MAP3K20: variants seen among roughly 807,000 people sequenced by gnomAD.
MAP3K20 encodes the protein HCCS-4.
A neutral mutation model predicts 85.7 loss-of-function variants in MAP3K20; 40 were observed. The observed-to-expected ratio is 0.47, with a 90% CI of 0.36 to 0.61. The LOEUF is 0.61. MAP3K20 is among the 20% of genes least tolerant of loss of function. The pLI, the probability that MAP3K20 is intolerant of heterozygous loss-of-function variation, is 0.00. For missense variants in MAP3K20, 817 were observed against 961.7 expected (o/e 0.85, Z 1.99); for synonymous variants, 325 against 327.7 (o/e 0.99, Z 0.09).
intron 9 of MAP3K20, among the ~76,000 whole-genome samples, chr2:173,209,458 A>G (rs1683804530): frequency 6.6e-6 from 1 of 152,196 alleles, no homozygotes; most frequent in South Asian, 2.1e-4. Context: ...CCCTTCCTGG[A>G]CAAAAAACAT....
intron 2 of MAP3K20, among the ~76,000 whole-genome samples, chr2:173,136,112 C>G (rs1389482691): frequency 6.6e-6 from 1 of 152,260 alleles, no homozygotes; most frequent in Non-Finnish European, 1.5e-5. Context: ...CTAAAATTAG[C>G]TGTAACAAAA....
At chr2:173,258,605 T>C in intron 16 of MAP3K20, 94 bp from the exon 17 acceptor site, 1 of 677,586 alleles carries the variant, frequency 1.5e-6, no homozygotes. Flanking sequence ...CCAATAATAC[T>C]TCATTTAGAA....
At chr2:173,185,112 A>C (rs982337810) in intron 4 of MAP3K20, among the ~76,000 whole-genome samples, 3 of 152,122 alleles carry the variant, frequency 2.0e-5, no homozygotes, top group African/African-American at 7.2e-5. Flanking sequence ...GTGGTGGCGC[A>C]TGCCTGTAAT....
intron 4 of MAP3K20, among the ~76,000 whole-genome samples, chr2:173,187,275 T>A (rs1354804502): frequency 1.3e-5 from 2 of 152,246 alleles, no homozygotes; most frequent in Non-Finnish European, 2.9e-5. Context: ...CTGTGCTATT[T>A]TCATGCAGAC....
At chr2:173,159,620 G>A (rs1221566817) in intron 2 of MAP3K20, among the ~76,000 whole-genome samples, 2 of 152,108 alleles carry the variant, frequency 1.3e-5, no homozygotes, top group African/African-American at 4.8e-5. Flanking sequence ...GAACTCCTGA[G>A]CTCAAGTTAT....
chr2:173,156,800 T>C (rs1322787738), intron 2 of MAP3K20, among the ~76,000 whole-genome samples: 1 of 152,196 alleles, frequency 6.6e-6, no homozygotes, highest in Non-Finnish European at 1.5e-5. Flanking sequence ...AGAATGCTGG[T>C]GAAAGTTCCT....
intron 8 of MAP3K20, among the ~76,000 whole-genome samples, chr2:173,201,061 C>T (rs1691043246): frequency 6.6e-6 from 1 of 152,218 alleles, no homozygotes; most frequent in Admixed American, 6.5e-5. Context: ...GCGCATTACT[C>T]TTACCCAGAC....
At position 173,194,194 on chromosome 2, in the gene MAP3K20, A is replaced by G. The variant is rs546766170; in HGVS notation, c.582+3017A>G. On this transcript the variant is annotated intron_variant, in intron 7 of 19. Transcript: ENST00000375213. Reference sequence around the variant, plus strand: ...CAGAATGTTGTGTCAGCAGAATTCCATTCAGAAAAGTGTACAGATGCTAAT... The same window carrying G: ...CAGAATGTTGTGTCAGCAGAATTCCGTTCAGAAAAGTGTACAGATGCTAAT... 2.6e-5 allele frequency among the ~76,000 whole-genome samples: 4 copies of G among 152,324 alleles called. No individual in the cohort carries two copies. The South Asian group carries it at 8.3e-4, about 32-fold the overall frequency.
Position 173,158,377 on chromosome 2 carries a change from C to A in MAP3K20, c.160-11428C>A, listed in dbSNP as rs1454370897. ...GAGAATATATAAAAAGAGGCAGAGG[C>A]AGGTGACCTGGCATCAGACTTTATT... On this transcript the variant is annotated intron_variant, in intron 2 of 19. Coordinates refer to ENST00000375213, the MANE Select transcript of MAP3K20 (RefSeq NM_016653.3). Among the ~76,000 whole-genome samples, 3 of 152,212 alleles carry A rather than the reference C, an allele frequency of 2.0e-5. No individual in the cohort carries two copies. In the East Asian group the frequency reaches 5.8e-4, roughly 29 times the overall value.
intron 16 of MAP3K20, among the ~76,000 whole-genome samples, chr2:173,245,634 T>C (rs1684895787): frequency 6.6e-6 from 1 of 152,224 alleles, no homozygotes; most frequent in Non-Finnish European, 1.5e-5. Flanking sequence ...AGTTAATTAT[T>C]AATTTAAATG....
chr2:173,221,315 G>A (rs1348509470), intron 11 of MAP3K20: 1 of 1,613,946 alleles, frequency 6.2e-7, no homozygotes, highest in Non-Finnish European at 8.5e-7. Context: ...GGGCTTTGGG[G>A]ATATCTTCTC....
chr2:173,240,151 G>A (rs1684748911), intron 16 of MAP3K20, among the ~76,000 whole-genome samples: 1 of 152,212 alleles, frequency 6.6e-6, no homozygotes, highest in African/African-American at 2.4e-5. Context: ...TTTTGCAAAT[G>A]AGGAAACTGA....
intron 2 of MAP3K20, among the ~76,000 whole-genome samples, chr2:173,133,151 T>A (rs1688664340): frequency 6.6e-6 from 1 of 152,234 alleles, no homozygotes; most frequent in South Asian, 2.1e-4. Flanking sequence ...TATTTTTATT[T>A]AATTCCAAAA....
chr2:173,147,372 A>G (rs1574056692), intron 2 of MAP3K20, among the ~76,000 whole-genome samples: 2 of 152,122 alleles, frequency 1.3e-5, no homozygotes, highest in East Asian at 3.9e-4. Context: ...TGAGGAAGGG[A>G]TCTAACTTTA....
At chr2:173,199,264 T>C (rs1205732840) in intron 8 of MAP3K20, among the ~76,000 whole-genome samples, 2 of 152,232 alleles carry the variant, frequency 1.3e-5, no homozygotes, top group Non-Finnish European at 2.9e-5. Flanking sequence ...AGTTACCATA[T>C]AATTTTTCCT....
chr2:173,078,744 G>T (rs1573992998), intron 1 of MAP3K20, among the ~76,000 whole-genome samples: 1 of 152,216 alleles, frequency 6.6e-6, no homozygotes, highest in African/African-American at 2.4e-5. Flanking sequence ...TAGGTGGATG[G>T]TGAGCAATCC....
intron 16 of MAP3K20, among the ~76,000 whole-genome samples, chr2:173,252,985 G>A (rs1301856249): frequency 6.6e-6 from 1 of 152,170 alleles, no homozygotes; most frequent in African/African-American, 2.4e-5. Flanking sequence ...CATGAAACTG[G>A]CCATTGTTAT....
At chr2:173,193,752 A>G (rs950988205) in intron 7 of MAP3K20, among the ~76,000 whole-genome samples, 1 of 152,108 alleles carries the variant, frequency 6.6e-6, no homozygotes, top group African/African-American at 2.4e-5. Context: ...AAATCTTTTC[A>G]CTTAAGAAAC....
At chr2:173,156,381 G>A (rs1384246681) in intron 2 of MAP3K20, among the ~76,000 whole-genome samples, 1 of 152,170 alleles carries the variant, frequency 6.6e-6, no homozygotes, top group Non-Finnish European at 1.5e-5. Context: ...ATGGGAGTAA[G>A]CATAAGAGAT....
Sources: allele counts gnomAD v4.1 joint callset (sites outside exome capture counted in the v4.1 genomes callset), GRCh38; gene constraint gnomAD v4.1.1; transcripts MANE v1.5; gene names NCBI Gene and HGNC (gene_info 2026-07-23, HGNC 2026-07-21).